The following TMTC2 variants were observed in gnomAD, a reference collection of about 807,000 sequenced individuals.
TMTC2 encodes protein O-mannosyl-transferase TMTC2.
Under a neutral mutation model 82.4 loss-of-function variants are expected in TMTC2, and 43 were observed. The observed-to-expected ratio is 0.52, with a 90% confidence interval of 0.41 to 0.67. TMTC2 has a LOEUF of 0.67. Among genes scored for constraint, TMTC2 ranks in the 30% least tolerant of loss-of-function variants. TMTC2 has a pLI of 0.00. For synonymous variants in TMTC2, 408 were observed against 381.9 expected (o/e 1.07, Z -0.80); for missense variants, 919 against 1,012.4 (o/e 0.91, Z 1.25).
At chr12:82,927,223 C>T (rs1209896913) in intron 3 of TMTC2, among the ~76,000 whole-genome samples, 2 of 152,046 alleles carry the variant, frequency 1.3e-5, no homozygotes, top group African/African-American at 4.8e-5. Context: ...GTCAGAATAT[C>T]AACATTAGCA....
intron 11 of TMTC2, among the ~76,000 whole-genome samples, chr12:83,100,023 GA>G (rs1240230049): frequency 1.3e-5 from 2 of 151,782 alleles, no homozygotes; most frequent in African/African-American, 4.8e-5. Flanking sequence ...AGGTTCAAGT[GA>G]TTCTCCTGTC....
intron 1 of TMTC2, among the ~76,000 whole-genome samples, chr12:82,765,398 GGCGCGGCAGCTCGT>G: frequency 6.6e-6 from 1 of 152,190 alleles, no homozygotes; most frequent in South Asian, 2.1e-4. Flanking sequence ...TTGCTGGCCG[GGCGCGGCAGCTCGT>G]GCCTGTAATC....
intron 1 of TMTC2, among the ~76,000 whole-genome samples, chr12:82,767,429 AAAAT>A (rs1439863574): frequency 6.6e-6 from 1 of 152,148 alleles, no homozygotes; most frequent in Non-Finnish European, 1.5e-5. Context: ...ACAAAAATAA[AAAAT>A]AAAATTAGCT....
At chr12:82,864,554 T>C (rs1871724996) in intron 2 of TMTC2, among the ~76,000 whole-genome samples, 1 of 143,288 alleles carries the variant, frequency 7.0e-6, no homozygotes, top group South Asian at 2.2e-4. Context: ...CACGCTGGAG[T>C]GCAGTGGCGC....
chr12:82,925,118 A>C (rs1476613753), intron 3 of TMTC2, among the ~76,000 whole-genome samples: 1 of 152,212 alleles, frequency 6.6e-6, no homozygotes, highest in African/African-American at 2.4e-5. Context: ...TAGCTCGTAG[A>C]GATCATACCT....
chr12:82,876,174 G>A (rs117122144), intron 2 of TMTC2, among the ~76,000 whole-genome samples: 2,981 of 144,600 alleles, frequency 0.021, 60 homozygotes, highest in East Asian at 0.092. Flanking sequence ...TAGTGTTGTT[G>A]ATCGGGTGGT....
chr12:82,906,750 A>C (rs1413683113), intron 3 of TMTC2, among the ~76,000 whole-genome samples: 7 of 152,150 alleles, frequency 4.6e-5, no homozygotes, highest in Non-Finnish European at 1.0e-4. Flanking sequence ...TCAAGGAGGA[A>C]AACCACTATA....
rs150379369 is a variant in TMTC2 at position 83,018,705 on chromosome 12, T to C, written c.2071-12093T>C. ...TATGAGGAGGAGGTGTTACCAATTATGGCAATGGCATGAAGCTCTGAGTAT... is the reference window on the plus strand; with the variant it reads ...TATGAGGAGGAGGTGTTACCAATTACGGCAATGGCATGAAGCTCTGAGTAT... On this transcript the variant is annotated intron_variant, in intron 8 of 11. Coordinates refer to ENST00000321196, the MANE Select transcript of TMTC2 (RefSeq NM_152588.3). Among the ~76,000 whole-genome samples the C allele has an allele frequency of 5.7e-4, 87 of 151,340 alleles. No homozygotes were observed. In the East Asian group the frequency reaches 6.7e-3, roughly 12 times the overall value.
intron 2 of TMTC2, 38 bp downstream of exon 2, chr12:82,857,618 G>A: frequency 1.3e-6 from 2 of 1,534,202 alleles, no homozygotes; most frequent in Non-Finnish European, 1.8e-6. Flanking sequence ...GGATTACTGA[G>A]TAATCTACTT....
chr12:82,730,242 C>G (rs1392541763), intron 1 of TMTC2, among the ~76,000 whole-genome samples: 1 of 130,958 alleles, frequency 7.6e-6, no homozygotes, highest in African/African-American at 2.9e-5. Flanking sequence ...TTGCAGTAAG[C>G]CAAGATTGCG....
intron 11 of TMTC2, among the ~76,000 whole-genome samples, chr12:83,074,744 C>T (rs1338378468): frequency 6.6e-6 from 1 of 152,106 alleles, no homozygotes; most frequent in Non-Finnish European, 1.5e-5. Flanking sequence ...TGTCTGTTTC[C>T]AGGTGGAGGG....
chr12:83,004,115 AGTCTTT>A (rs1880044266), intron 8 of TMTC2, among the ~76,000 whole-genome samples: 1 of 152,082 alleles, frequency 6.6e-6, no homozygotes, highest in Non-Finnish European at 1.5e-5. Context: ...TCAAATAATT[AGTCTTT>A]GAGCTCTGAG....
intron 11 of TMTC2, among the ~76,000 whole-genome samples, chr12:83,086,674 TATGTTTATGGTATAAACATAAAAC>T (rs1883671508): frequency 6.6e-6 from 1 of 152,220 alleles, no homozygotes; most frequent in African/African-American, 2.4e-5. Flanking sequence ...GTTTTGATTT[TATGTTTATGGTATAAACATAAAAC>T]ATGTTTATAC....
In TMTC2 at chr12:83,081,297, C is replaced by T. The variant is rs527255268; in HGVS notation, c.2331+19466C>T. Among the ~76,000 whole-genome samples the T allele has an allele frequency of 2.6e-5, 4 of 152,268 alleles. 1 individual carries two copies. Among genetic ancestry groups the T allele is most frequent in the South Asian group, 2.1e-4 (1 of 4,826 alleles). ...GTGATTACTTTGCTCTGGCCTGACTCATTATTATGCTAAATATGCTTGTCA... is the reference window on the plus strand; with the variant it reads ...GTGATTACTTTGCTCTGGCCTGACTTATTATTATGCTAAATATGCTTGTCA... On this transcript the variant is annotated intron_variant, in intron 11 of 11. Coordinates refer to ENST00000321196, the MANE Select transcript of TMTC2 (RefSeq NM_152588.3).
chr12:82,965,420 C>A, intron 5 of TMTC2, 140 bp from the exon 6 acceptor site: 1 of 827,176 alleles, frequency 1.2e-6, no homozygotes, highest in Non-Finnish European at 1.9e-6. Context: ...TTATTGATCC[C>A]ATGAGTATTT....
Position 82,947,660 on chromosome 12 carries a change from A to G in TMTC2, c.1598+17115A>G, listed in dbSNP as rs1047403103. ...GTGCAATTTTTAATCAAAAGCAACA[A>G]TCGATGGCTTGGAAAAATAAGCAAG... On this transcript the variant is annotated intron_variant, in intron 4 of 11. Coordinates refer to ENST00000321196, the MANE Select transcript of TMTC2 (RefSeq NM_152588.3). 2.6e-5 allele frequency among the ~76,000 whole-genome samples: 4 copies of G among 152,240 alleles called. No individual in the cohort carries two copies. In the East Asian group the frequency reaches 7.7e-4, roughly 29 times the overall value.
intron 1 of TMTC2, among the ~76,000 whole-genome samples, chr12:82,718,654 A>T (rs978382895): frequency 2.0e-5 from 3 of 152,200 alleles, no homozygotes; most frequent in Non-Finnish European, 4.4e-5. Flanking sequence ...ACCACATGAC[A>T]GGGCCATTTT....
chr12:83,056,019 C>T (rs1409849681), intron 10 of TMTC2, among the ~76,000 whole-genome samples: 1 of 151,926 alleles, frequency 6.6e-6, no homozygotes, highest in Non-Finnish European at 1.5e-5. Flanking sequence ...TTATATTTTA[C>T]ACCTGACTGA....
At chr12:82,856,483 G>T (rs1327469263) in intron 1 of TMTC2, among the ~76,000 whole-genome samples, 1 of 152,126 alleles carries the variant, frequency 6.6e-6, no homozygotes, top group African/African-American at 2.4e-5. Context: ...TCTCTCTCTG[G>T]CTTCTCCCCA....
Sources: allele counts gnomAD v4.1 joint callset (sites outside exome capture counted in the v4.1 genomes callset), GRCh38; gene constraint gnomAD v4.1.1; transcripts MANE v1.5; gene names NCBI Gene and HGNC (gene_info 2026-07-23, HGNC 2026-07-21).